Variants in NDUFAB1 observed in about 807,000 individuals in gnomAD.
NDUFAB1 encodes the protein acyl carrier protein, mitochondrial.
A neutral mutation model predicts 16.1 loss-of-function variants in NDUFAB1; 5 were observed. That is an observed-to-expected ratio of 0.31 (90% CI 0.16 to 0.65). NDUFAB1 has a LOEUF of 0.65. NDUFAB1 is among the 30% of genes least tolerant of loss of function. The pLI is 0.77. For missense variants in NDUFAB1, 187 were observed against 205.3 expected, an observed-to-expected ratio of 0.91 and a Z score of 0.54; for synonymous variants, 85 against 78.4, an observed-to-expected ratio of 1.08 and a Z score of -0.44.
At chr16:23,586,909 A>G (rs1966238264) in intron 2 of NDUFAB1, among the ~76,000 whole-genome samples, 1 of 152,198 alleles carries the variant, frequency 6.6e-6, no homozygotes, top group Admixed American at 6.5e-5. Context: ...CGGCCTCCCA[A>G]AGTGCTGGGA....
At chr16:23,585,549 A>T in intron 2 of NDUFAB1, 126 bp from the exon 3 acceptor site, 1 of 681,042 alleles carries the variant, frequency 1.5e-6, no homozygotes, top group Non-Finnish European at 2.6e-6. Context: ...TTTAGGGTAC[A>T]TGTGCACAAC....
chr16:23,582,029 G>C (rs1453414584), intron 4 of NDUFAB1: 1 of 315,036 alleles, frequency 3.2e-6, no homozygotes, highest in Non-Finnish European at 5.7e-6. Flanking sequence ...TTTGTACAAT[G>C]TTCTGCTTTT....
chr16:23,594,200 G>A (rs113476032), intron 1 of NDUFAB1, among the ~76,000 whole-genome samples: 1,984 of 151,602 alleles, frequency 0.013, 19 homozygotes, highest in South Asian at 0.02. Context: ...TAATTTCAAG[G>A]TGACACTTTT....
chr16:23,589,900 C>A (rs894007719), intron 1 of NDUFAB1, among the ~76,000 whole-genome samples: 3 of 140,480 alleles, frequency 2.1e-5, no homozygotes, highest in Admixed American at 7.6e-5. Flanking sequence ...CATGGCTCTA[C>A]ACTCCAGCCT....
At chr16:23,593,035 C>A (rs1259792527) in intron 1 of NDUFAB1, among the ~76,000 whole-genome samples, 1 of 152,210 alleles carries the variant, frequency 6.6e-6, no homozygotes, top group Non-Finnish European at 1.5e-5. Context: ...ATGGCTCATG[C>A]CTGTAATCCC....
At chr16:23,592,836 A>T (rs1966292063) in intron 1 of NDUFAB1, among the ~76,000 whole-genome samples, 1 of 152,306 alleles carries the variant, frequency 6.6e-6, no homozygotes, top group South Asian at 2.1e-4. Flanking sequence ...GATGGATTTG[A>T]GGAGAGGAAA....
chr16:23,588,776 G>A (rs1283204439), intron 1 of NDUFAB1, among the ~76,000 whole-genome samples: 3 of 152,054 alleles, frequency 2.0e-5, no homozygotes, highest in Admixed American at 6.6e-5. Flanking sequence ...CCAGGAGTTC[G>A]AGACCAGCCT....
chr16:23,582,451 C>T, intron 3 of NDUFAB1, 76 bp from the exon 4 acceptor site: 2 of 1,401,494 alleles, frequency 1.4e-6, no homozygotes, highest in Admixed American at 6.8e-5. Flanking sequence ...CCTGACCCTT[C>T]TACAACAGCT....
chr16:23,585,211 G>T, intron 3 of NDUFAB1, 125 bp downstream of exon 3: 1 of 681,938 alleles, frequency 1.5e-6, no homozygotes. Context: ...GTGTGTGAAG[G>T]GCAGTGGATG....
At chr16:23,587,463 C>G (rs79169989) in intron 1 of NDUFAB1, 144 bp from the exon 2 acceptor site, 16,023 of 1,028,902 alleles carry the variant, frequency 0.016, 197 homozygotes, top group South Asian at 0.027. Flanking sequence ...CACCAGGACA[C>G]ACTAAGTTGC....
At chr16:23,584,396 A>G (rs920995953) in intron 3 of NDUFAB1, among the ~76,000 whole-genome samples, 1 of 151,074 alleles carries the variant, frequency 6.6e-6, no homozygotes, top group South Asian at 2.1e-4. Flanking sequence ...ATAACGTGTC[A>G]TCTTCTGTGT....
Position 23,596,257 on chromosome 16 carries a change from G to A in NDUFAB1, c.34C>T (p.Arg12Cys). The A allele has an allele frequency of 2.5e-6, 4 of 1,588,846 alleles. No homozygotes were observed. Among genetic ancestry groups the A allele is most frequent in the Non-Finnish European group, 3.4e-6 (4 of 1,169,314 alleles). The change falls in exon 1 of 5, where the codon CGC (arginine) becomes TGC (cysteine). Residue 12 changes from arginine (R) to cysteine (C), a missense_variant. By Grantham distance (180) the Arg-to-Cys change is radical (BLOSUM62 -3). Transcript: ENST00000007516. The part of the protein sequence containing the change: ...ASRVLSAYVS[R>C]LPAAFAPLPR... ...AGCGGCGCAAAGGCCGCGGGCAGGC[G>A]GCTGACATAGGCTGAAAGGACACGA...
intron 3 of NDUFAB1, among the ~76,000 whole-genome samples, chr16:23,584,143 C>G (rs922091480): frequency 6.7e-6 from 1 of 149,982 alleles, no homozygotes; most frequent in Non-Finnish European, 1.5e-5. Flanking sequence ...GGTCCTCTGC[C>G]TAGGAAAACC....
chr16:23,595,193 C>CGTTAGCCGGAGGTTGCA (rs1966313468), intron 1 of NDUFAB1, among the ~76,000 whole-genome samples: 1 of 151,962 alleles, frequency 6.6e-6, no homozygotes, highest in Non-Finnish European at 1.5e-5. Flanking sequence ...CGGAGGTTGC[C>CGTTAGCCGGAGGTTGCA]GTTAGCCGGA....
chr16:23,593,171 TGCCTGTAGTCCCAGCTACTCAGGAA>T (rs1301305107), intron 1 of NDUFAB1, among the ~76,000 whole-genome samples: 30 of 152,298 alleles, frequency 2.0e-4, no homozygotes, highest in African/African-American at 7.0e-4. Flanking sequence ...TGGTGGCTCA[TGCCTGTAGTCCCAGCTACTCAGGAA>T]GCTGAGGCAG....
In NDUFAB1 at chr16:23,587,290, G is replaced by A. The variant is rs780131178; in HGVS notation, c.198C>T (p.Arg66=). 1.9e-6 allele frequency: 3 copies of A among 1,614,062 alleles called. No individual in the cohort carries two copies. In the South Asian group the frequency reaches 3.3e-5, roughly 18 times the overall value. Reference sequence around the variant, plus strand: ...TCAAAGGAGGCATGTCGCTATACTGGCGGCACAACTGTGTAACTCTACCAG... The same window carrying A: ...TCAAAGGAGGCATGTCGCTATACTGACGGCACAACTGTGTAACTCTACCAG... ...QVPGRVTQLC[R]QYSDMPPLTL... The change falls in exon 2 of 5, where the codon CGC becomes CGT. Residue 66 remains arginine, a synonymous_variant. Transcript: ENST00000007516.
rs137957964 is a variant in NDUFAB1 at position 23,589,256 on chromosome 16, A to G, written c.169-1937T>C. Among the ~76,000 whole-genome samples the G allele has an allele frequency of 2.0e-5, 3 of 151,634 alleles. No homozygotes were observed. In the East Asian group the frequency reaches 5.8e-4, roughly 30 times the overall value. On this transcript the variant is annotated intron_variant, in intron 1 of 4. Transcript: ENST00000007516. ...GGTTGCAGTGAGCCAAGATCATGCCATTTACACTCCAGCATGGGTGACAGA... is the reference window on the plus strand; with the variant it reads ...GGTTGCAGTGAGCCAAGATCATGCCGTTTACACTCCAGCATGGGTGACAGA...
At chr16:23,590,054 G>C (rs1250124551) in intron 1 of NDUFAB1, among the ~76,000 whole-genome samples, 1 of 151,986 alleles carries the variant, frequency 6.6e-6, no homozygotes, top group East Asian at 1.9e-4. Context: ...GAGCCCAGGA[G>C]TTCCAGACCA....
rs147412537 is a variant in NDUFAB1 at position 23,587,249 on chromosome 16, T to C, written c.239A>G (p.Gln80Arg). 5.6e-6 allele frequency: 9 copies of C among 1,614,032 alleles called. No individual in the cohort carries two copies. The highest frequency in any genetic ancestry group is 7.6e-6 in the Non-Finnish European group (9 of 1,179,990). The change falls in exon 2 of 5, where the codon CAG (glutamine) becomes CGG (arginine). Residue 80 changes from glutamine (Q) to arginine (R), a missense_variant. Physicochemically the swap from Gln to Arg is conservative, Grantham distance 43 (BLOSUM62 1). This residue lies in a region of NDUFAB1 where 135 missense variants were observed against 129.4 expected (regional missense o/e 1.04). Transcript: ENST00000007516. ...DMPPLTLEGI[Q>R]DRVLYVLKLY... Reference sequence around the variant, plus strand: ...TTTCAATACGTAAAGAACACGGTCCTGGATGCCCTCTAACGTCAAAGGAGG... The same window carrying C: ...TTTCAATACGTAAAGAACACGGTCCCGGATGCCCTCTAACGTCAAAGGAGG...
Sources: gnomAD v4.1 joint callset for allele counts (sites outside exome capture counted in the v4.1 genomes callset) on GRCh38, gnomAD v4.1.1 for gene constraint, gnomAD v4.1.1 regional missense constraint, MANE v1.5 for transcripts, NCBI Gene and HGNC (gene_info 2026-07-23, HGNC 2026-07-21) for gene names.